Variants in LINGO2 observed in about 807,000 individuals in gnomAD.
LINGO2 encodes leucine-rich repeat and immunoglobulin-like domain-containing nogo receptor-interacting protein 2.
A neutral mutation model predicts 30.6 loss-of-function variants in LINGO2; 14 were observed. The ratio of observed to expected loss-of-function variants is 0.46; its 90% CI spans 0.30 to 0.72. The LOEUF (loss-of-function observed/expected upper bound fraction) is 0.72, where lower values mean the gene tolerates loss of function less well. LINGO2 is among the 30% of genes least tolerant of loss of function. The pLI is 0.07. For missense variants in LINGO2, 729 were observed against 751.7 expected, an observed-to-expected ratio of 0.97 and a Z score of 0.35; for synonymous variants, 317 against 288.5, an observed-to-expected ratio of 1.10 and a Z score of -1.00.
At chr9:28,993,962 C>T in the LINGO2 span, among the ~76,000 whole-genome samples, 10 of 151,232 alleles carry the variant, frequency 6.6e-5, no homozygotes, top group East Asian at 1.4e-3. Flanking sequence ...TGGCACAAGA[C>T]AGGGATGCCC....
the LINGO2 span, among the ~76,000 whole-genome samples, chr9:29,141,136 A>G: frequency 1.3e-5 from 2 of 152,092 alleles, no homozygotes; most frequent in Non-Finnish European, 2.9e-5. Flanking sequence ...AGACAAATAC[A>G]GAATCCTGTA....
chr9:28,166,963 C>A (rs547882793), intron 4 of LINGO2, among the ~76,000 whole-genome samples: 4 of 152,060 alleles, frequency 2.6e-5, no homozygotes, highest in Non-Finnish European at 5.9e-5. Context: ...CAATGTGCAG[C>A]CAGAACTCAA....
intron 2 of LINGO2, among the ~76,000 whole-genome samples, chr9:28,399,864 T>G (rs1242958219): frequency 6.6e-6 from 1 of 152,212 alleles, no homozygotes; most frequent in East Asian, 1.9e-4. Context: ...GGGCAGATTT[T>G]TAAAAGTAAT....
At chr9:28,679,015 G>T in the LINGO2 span, among the ~76,000 whole-genome samples, 4 of 152,074 alleles carry the variant, frequency 2.6e-5, no homozygotes, top group African/African-American at 9.7e-5. Context: ...ACAATATGTG[G>T]CAGTCGGCTT....
At chr9:28,356,554 T>A (rs1820217534) in intron 3 of LINGO2, among the ~76,000 whole-genome samples, 1 of 152,132 alleles carries the variant, frequency 6.6e-6, no homozygotes, top group African/African-American at 2.4e-5. Context: ...CATGTAGCTG[T>A]TTCTTCATGG....
intron 4 of LINGO2, among the ~76,000 whole-genome samples, chr9:28,277,387 C>A (rs1362001223): frequency 6.6e-6 from 1 of 152,178 alleles, no homozygotes; most frequent in Non-Finnish European, 1.5e-5. Context: ...CTTTCCCCCT[C>A]TCCTAGGGCC....
chr9:29,111,001 T>C, the LINGO2 span, among the ~76,000 whole-genome samples: 1 of 116,038 alleles, frequency 8.6e-6, no homozygotes, highest in African/African-American at 4.0e-5. Context: ...GAAGTTAGTT[T>C]TTAAAAAATA....
In LINGO2 at chr9:28,056,845, T is replaced by G. The variant is rs565051313; in HGVS notation, c.-86-44440A>C. On this transcript the variant is annotated intron_variant, in intron 4 of 5. Transcript: ENST00000379992. Reference sequence around the variant, plus strand: ...CATTGTGTCTTTGACATGTGCAAATTCTCAGTTCATGCTTTTTTAAAATAC... The same window carrying G: ...CATTGTGTCTTTGACATGTGCAAATGCTCAGTTCATGCTTTTTTAAAATAC... Among the ~76,000 whole-genome samples, 30 of 152,296 alleles carry G rather than the reference T, an allele frequency of 2.0e-4. 1 individual carries two copies. Among genetic ancestry groups the G allele is most frequent in the East Asian group, 1.9e-4 (1 of 5,178 alleles).
intron 5 of LINGO2, among the ~76,000 whole-genome samples, chr9:28,005,411 CTT>C (rs1563904302): frequency 6.6e-6 from 1 of 152,148 alleles, no homozygotes; most frequent in Non-Finnish European, 1.5e-5. Flanking sequence ...GATTAAAAAA[CTT>C]TTCTCAGGGC....
the LINGO2 span, among the ~76,000 whole-genome samples, chr9:29,047,051 A>AAAAC: frequency 9.3e-6 from 1 of 106,982 alleles, no homozygotes; most frequent in East Asian, 3.4e-4. Flanking sequence ...AAAAAAAAAA[A>AAAAC]CCAAAAACAA....
At chr9:28,309,328 A>C (rs1303678986) in intron 3 of LINGO2, among the ~76,000 whole-genome samples, 1 of 152,046 alleles carries the variant, frequency 6.6e-6, no homozygotes, top group Non-Finnish European at 1.5e-5. Context: ...AAACTATCAC[A>C]AGTACAAAAA....
At chr9:28,053,684 G>A (rs751282211) in intron 4 of LINGO2, among the ~76,000 whole-genome samples, 2 of 152,030 alleles carry the variant, frequency 1.3e-5, no homozygotes, top group East Asian at 3.9e-4. Context: ...AACTGATGTC[G>A]AGGCCTCATC....
the LINGO2 span, among the ~76,000 whole-genome samples, chr9:28,715,699 T>A: frequency 2.6e-5 from 4 of 152,134 alleles, no homozygotes; most frequent in Non-Finnish European, 5.9e-5. Flanking sequence ...ATTTAAAATA[T>A]CTACTATGAT....
chr9:28,048,666 C>A (rs191587205), intron 4 of LINGO2, among the ~76,000 whole-genome samples: 7 of 150,596 alleles, frequency 4.6e-5, no homozygotes, highest in Non-Finnish European at 1.0e-4. Context: ...AATATATGCA[C>A]AGAACACTTA....
chr9:28,892,902 TA>T, the LINGO2 span, among the ~76,000 whole-genome samples: 1 of 152,054 alleles, frequency 6.6e-6, no homozygotes, highest in Non-Finnish European at 1.5e-5. Flanking sequence ...AAGTATTTAA[TA>T]AAAATTCCAC....
intron 2 of LINGO2, among the ~76,000 whole-genome samples, chr9:28,444,511 T>C (rs750131838): frequency 1.1e-4 from 17 of 152,142 alleles, no homozygotes; most frequent in Non-Finnish European, 1.6e-4. Flanking sequence ...GCAGGTGACA[T>C]GAAAGAGAGA....
At chr9:28,764,868 A>G in the LINGO2 span, among the ~76,000 whole-genome samples, 1 of 151,948 alleles carries the variant, frequency 6.6e-6, no homozygotes, top group East Asian at 1.9e-4. Flanking sequence ...TGACCTATGC[A>G]AAAAGGAAGC....
chr9:28,245,015 C>G (rs1821946777), intron 4 of LINGO2, among the ~76,000 whole-genome samples: 1 of 152,114 alleles, frequency 6.6e-6, no homozygotes, highest in Non-Finnish European at 1.5e-5. Context: ...AAGAAAAGTT[C>G]AGGCCAACAT....
At chr9:28,070,346 T>A (rs2133170124) in intron 4 of LINGO2, among the ~76,000 whole-genome samples, 1 of 152,264 alleles carries the variant, frequency 6.6e-6, no homozygotes, top group South Asian at 2.1e-4. Flanking sequence ...CTAATCCTTT[T>A]GACTATCAAG....
Sources: allele counts gnomAD v4.1 joint callset (sites outside exome capture counted in the v4.1 genomes callset), GRCh38; gene constraint gnomAD v4.1.1; transcripts MANE v1.5; gene names NCBI Gene and HGNC (gene_info 2026-07-23, HGNC 2026-07-21).